The following PHACTR1 variants were observed in gnomAD, a reference collection of about 807,000 sequenced individuals.
PHACTR1 encodes phosphatase and actin regulator 1.
Under a neutral mutation model 69.2 loss-of-function variants are expected in PHACTR1, and 16 were observed. The observed-to-expected ratio is 0.23, with a 90% CI of 0.16 to 0.35. The LOEUF (loss-of-function observed/expected upper bound fraction) is 0.35, where lower values mean the gene tolerates loss of function less well. Among genes scored for constraint, PHACTR1 ranks in the 10% least tolerant of loss-of-function variants. The pLI, the probability that PHACTR1 is intolerant of heterozygous loss-of-function variation, is 1.00. For synonymous variants in PHACTR1, 312 were observed against 284.5 expected (o/e 1.10, Z -0.97); for missense variants, 510 against 734.7 (o/e 0.69, Z 3.54).
chr6:13,164,567 T>C (rs1250058672), intron 6 of PHACTR1, among the ~76,000 whole-genome samples: 1 of 152,250 alleles, frequency 6.6e-6, no homozygotes, highest in Non-Finnish European at 1.5e-5. Flanking sequence ...TTATGCTGTT[T>C]GTGTGCACGA....
chr6:13,284,517 CAAAAAAAAAAAA>C (rs58847683), intron 13 of PHACTR1, among the ~76,000 whole-genome samples: 1 of 40,020 alleles, frequency 2.5e-5, no homozygotes, highest in African/African-American at 1.7e-4. Flanking sequence ...AACTCCATCT[CAAAAAAAAAAAA>C]AAAAAAAAAA....
At chr6:12,785,665 G>C (rs866494166) in intron 4 of PHACTR1, among the ~76,000 whole-genome samples, 12 of 152,194 alleles carry the variant, frequency 7.9e-5, no homozygotes, top group South Asian at 4.1e-4. Context: ...GGACATCGTA[G>C]AAAATAGATC....
intron 8 of PHACTR1, among the ~76,000 whole-genome samples, chr6:13,223,557 C>T (rs1769038730): frequency 6.6e-6 from 1 of 152,158 alleles, no homozygotes; most frequent in Admixed American, 6.5e-5. Flanking sequence ...GATATTTCCT[C>T]CATCTTGCCT....
At chr6:12,954,159 G>C (rs566404822) in intron 4 of PHACTR1, among the ~76,000 whole-genome samples, 1 of 151,986 alleles carries the variant, frequency 6.6e-6, no homozygotes, top group Non-Finnish European at 1.5e-5. Context: ...CAAAGGCAGG[G>C]AGACCGAGAA....
chr6:12,725,489 A>G (rs373969446), intron 3 of PHACTR1, among the ~76,000 whole-genome samples: 6 of 152,146 alleles, frequency 3.9e-5, no homozygotes, highest in African/African-American at 1.4e-4. Flanking sequence ...CGCCTACACT[A>G]CAGCCATTGT....
intron 5 of PHACTR1, among the ~76,000 whole-genome samples, chr6:13,111,902 G>A (rs1817097995): frequency 1.3e-5 from 2 of 151,810 alleles, no homozygotes; most frequent in African/African-American, 4.8e-5. Flanking sequence ...TTAAGTTCAG[G>A]GCATATGTAC....
At chr6:12,935,253 TA>T (rs2127534013) in intron 4 of PHACTR1, among the ~76,000 whole-genome samples, 1 of 152,310 alleles carries the variant, frequency 6.6e-6, no homozygotes, top group African/African-American at 2.4e-5. Flanking sequence ...TTTTTATTTT[TA>T]TTTTTTTAAG....
intron 8 of PHACTR1, 139 bp downstream of exon 8, chr6:13,206,275 CAAAA>C: frequency 1.1e-6 from 1 of 925,610 alleles, no homozygotes; most frequent in Non-Finnish European, 1.6e-6. Context: ...TAAAATGAGA[CAAAA>C]AACTGAAGGT....
intron 7 of PHACTR1, among the ~76,000 whole-genome samples, chr6:13,200,005 C>T (rs1468134215): frequency 3.9e-5 from 6 of 152,160 alleles, no homozygotes; most frequent in Non-Finnish European, 8.8e-5. Context: ...TGCTCTTTTA[C>T]TTTTTACATG....
chr6:13,212,488 T>C (rs1767005716), intron 8 of PHACTR1, among the ~76,000 whole-genome samples: 1 of 151,698 alleles, frequency 6.6e-6, no homozygotes, highest in Non-Finnish European at 1.5e-5. Flanking sequence ...ACACCCCTTT[T>C]GCATACTTGC....
intron 5 of PHACTR1, among the ~76,000 whole-genome samples, chr6:13,056,628 C>T (rs1258225467): frequency 6.6e-6 from 1 of 152,108 alleles, no homozygotes; most frequent in Non-Finnish European, 1.5e-5. Flanking sequence ...GGGACCACTG[C>T]AATAGGGTCT....
At chr6:12,951,775 G>A (rs981410090) in intron 4 of PHACTR1, among the ~76,000 whole-genome samples, 3 of 152,214 alleles carry the variant, frequency 2.0e-5, no homozygotes, top group Non-Finnish European at 4.4e-5. Flanking sequence ...AACCCCTTTG[G>A]TAATAGTTTT....
At chr6:13,132,052 C>T (rs1753555) in intron 5 of PHACTR1, among the ~76,000 whole-genome samples, 10,715 of 152,212 alleles carry the variant, frequency 0.07, 1,035 homozygotes, top group African/African-American at 0.22. Context: ...TAGTCACCCA[C>T]TCCATGACTG....
chr6:13,249,663 G>A (rs887312631), intron 10 of PHACTR1, among the ~76,000 whole-genome samples: 4 of 152,076 alleles, frequency 2.6e-5, no homozygotes, highest in Non-Finnish European at 4.4e-5. Flanking sequence ...GCCGGATGTG[G>A]TGGCAGGCGC....
intron 4 of PHACTR1, among the ~76,000 whole-genome samples, chr6:12,931,651 TTTAA>T (rs1788886546): frequency 3.3e-5 from 5 of 152,178 alleles, no homozygotes; most frequent in Admixed American, 2.6e-4. Flanking sequence ...ATCCGGGGAC[TTTAA>T]TTAAACAGCG....
At chr6:12,874,432 A>AT (rs1180409869) in intron 4 of PHACTR1, among the ~76,000 whole-genome samples, 1 of 152,206 alleles carries the variant, frequency 6.6e-6, no homozygotes, top group East Asian at 1.9e-4. Flanking sequence ...AGTTTTTTAG[A>AT]ACAGCTGTAT....
intron 5 of PHACTR1, among the ~76,000 whole-genome samples, chr6:13,132,242 G>A (rs1168299088): frequency 6.6e-6 from 1 of 152,122 alleles, no homozygotes; most frequent in African/African-American, 2.4e-5. Flanking sequence ...TCCTGGCTCA[G>A]GTCATCATGG....
intron 5 of PHACTR1, among the ~76,000 whole-genome samples, chr6:13,139,385 G>A (rs1317929481): frequency 6.6e-6 from 1 of 152,024 alleles, no homozygotes; most frequent in Non-Finnish European, 1.5e-5. Flanking sequence ...TTAAGTATCA[G>A]CTGTTTGGTC....
At chr6:13,129,942 T>C (rs1009684543) in intron 5 of PHACTR1, among the ~76,000 whole-genome samples, 3 of 152,104 alleles carry the variant, frequency 2.0e-5, no homozygotes, top group African/African-American at 7.2e-5. Flanking sequence ...AAATTGAAAG[T>C]ACCCCAAGTA....
Sources: gnomAD v4.1 joint callset for allele counts (sites outside exome capture counted in the v4.1 genomes callset) on GRCh38, gnomAD v4.1.1 for gene constraint, MANE v1.5 for transcripts, NCBI Gene and HGNC (gene_info 2026-07-23, HGNC 2026-07-21) for gene names.